Variants in OTUD7A observed in about 807,000 individuals in gnomAD.
OTUD7A encodes OTU deubiquitinase 7A.
In OTUD7A, 12 loss-of-function variants were observed where a neutral mutation model predicts 65.7. The ratio of observed to expected loss-of-function variants is 0.18; its 90% CI spans 0.12 to 0.30. OTUD7A has a LOEUF of 0.30. Ranked by LOEUF, OTUD7A falls within the 10% of genes least tolerant of loss-of-function variation. OTUD7A has a pLI of 1.00. For synonymous variants in OTUD7A, 641 were observed against 586.3 expected (o/e 1.09, Z -1.35); for missense variants, 1,148 against 1,304.8 (o/e 0.88, Z 1.85).
chr15:31,853,936 GC>G (rs1897495362), intron 1 of OTUD7A, among the ~76,000 whole-genome samples: 2 of 152,326 alleles, frequency 1.3e-5, no homozygotes, highest in African/African-American at 4.8e-5. Flanking sequence ...AAATGCAGAT[GC>G]CTGAGAAAAT....
chr15:31,637,857 A>G (rs1286580374), intron 3 of OTUD7A, among the ~76,000 whole-genome samples: 1 of 152,204 alleles, frequency 6.6e-6, no homozygotes, highest in Non-Finnish European at 1.5e-5. Flanking sequence ...AATTGCTACA[A>G]TCTCAAGTTG....
chr15:31,792,924 T>G (rs967600069), intron 1 of OTUD7A, among the ~76,000 whole-genome samples: 1 of 151,846 alleles, frequency 6.6e-6, no homozygotes, highest in African/African-American at 2.4e-5. Flanking sequence ...TGCCTGGGGA[T>G]TCTAAGCAGT....
intron 1 of OTUD7A, among the ~76,000 whole-genome samples, chr15:31,711,269 T>A (rs903925601): frequency 2.4e-4 from 37 of 152,172 alleles, no homozygotes; most frequent in African/African-American, 8.5e-4. Flanking sequence ...CTGTGACTGA[T>A]AACATTTTTA....
At chr15:31,523,326 C>T (rs1595581096) in intron 8 of OTUD7A, among the ~76,000 whole-genome samples, 1 of 152,244 alleles carries the variant, frequency 6.6e-6, no homozygotes, top group Admixed American at 6.5e-5. Flanking sequence ...TTCTTGCTGT[C>T]TTCCTTCAGG....
chr15:31,627,807 A>G (rs1268804427), intron 3 of OTUD7A, among the ~76,000 whole-genome samples: 1 of 152,086 alleles, frequency 6.6e-6, no homozygotes, highest in East Asian at 1.9e-4. Context: ...ATGGTATCTC[A>G]TTGTGGTTTC....
chr15:31,868,538 A>G (rs536558783), intron 1 of OTUD7A, among the ~76,000 whole-genome samples: 1 of 152,330 alleles, frequency 6.6e-6, no homozygotes, highest in African/African-American at 2.4e-5. Flanking sequence ...CAGCAACTAC[A>G]CACAGCGGGA....
intron 3 of OTUD7A, among the ~76,000 whole-genome samples, chr15:31,573,314 C>T (rs1161940906): frequency 6.6e-6 from 1 of 152,118 alleles, no homozygotes; most frequent in Non-Finnish European, 1.5e-5. Context: ...AAACATGAAT[C>T]GTTCAGAAAA....
chr15:31,505,585 T>C (rs1595563002), intron 8 of OTUD7A, among the ~76,000 whole-genome samples: 2 of 152,282 alleles, frequency 1.3e-5, no homozygotes, highest in Admixed American at 1.3e-4. Context: ...TCTGTTTTAA[T>C]AGCTTTAAGA....
chr15:31,867,091 C>T (rs1897896000), intron 1 of OTUD7A, among the ~76,000 whole-genome samples: 1 of 152,136 alleles, frequency 6.6e-6, no homozygotes, highest in African/African-American at 2.4e-5. Context: ...GGGAAACACC[C>T]ATCCCAACTC....
chr15:31,597,394 A>G (rs556162842), intron 3 of OTUD7A, among the ~76,000 whole-genome samples: 1 of 151,658 alleles, frequency 6.6e-6, no homozygotes, highest in African/African-American at 2.4e-5. Flanking sequence ...GAAGCTTTTT[A>G]GGTTTTGTTT....
intron 3 of OTUD7A, among the ~76,000 whole-genome samples, chr15:31,578,881 T>C (rs980522531): frequency 6.6e-6 from 1 of 152,204 alleles, no homozygotes; most frequent in African/African-American, 2.4e-5. Context: ...ATTTGACTGA[T>C]GTCTCATGTC....
chr15:31,840,234 AC>A (rs1383303882), intron 1 of OTUD7A, among the ~76,000 whole-genome samples: 1 of 152,154 alleles, frequency 6.6e-6, no homozygotes, highest in Non-Finnish European at 1.5e-5. Context: ...AGCCTGGGCA[AC>A]ATGGTGAAAC....
At chr15:31,609,522 C>T (rs1011340581) in intron 3 of OTUD7A, among the ~76,000 whole-genome samples, 8 of 152,112 alleles carry the variant, frequency 5.3e-5, no homozygotes, top group Admixed American at 3.9e-4. Flanking sequence ...ACTCCATTGA[C>T]CTGGGAACCT....
At chr15:31,520,683 T>C (rs1466176562) in intron 8 of OTUD7A, among the ~76,000 whole-genome samples, 1 of 152,224 alleles carries the variant, frequency 6.6e-6, no homozygotes, top group Non-Finnish European at 1.5e-5. Context: ...CACATGCTGT[T>C]GGTAGGAATG....
rs911361121 is a variant in OTUD7A, at chr15:31,526,520, C to T, written c.781-59G>A. The T allele has an allele frequency of 1.2e-5, 17 of 1,360,862 alleles. No homozygotes were observed. The African/African-American group carries it at 2.5e-4, about 20-fold the overall frequency. The allele number at this position is 1,360,862 out of a possible 1,614,324, so 84.3% of individuals were successfully genotyped here. A position where few individuals can be genotyped will look rare whatever the true frequency, so the allele number is the denominator to read the frequency against. On this transcript the variant is annotated intron_variant, in intron 7 of 12. Transcript: ENST00000307050. The stretch of plus-strand genomic sequence containing the variant: ...GGCCACAGCTGCGCTGCCCTCCTCT[C>T]CTCACCCTCCCAATCTGGACCAGCC...
At chr15:31,761,094 A>G (rs1894950229) in intron 1 of OTUD7A, among the ~76,000 whole-genome samples, 1 of 152,178 alleles carries the variant, frequency 6.6e-6, no homozygotes, top group East Asian at 1.9e-4. Context: ...AAGAAAACAT[A>G]GCAGTAAATC....
At chr15:31,737,295 C>T (rs1303618022) in intron 1 of OTUD7A, among the ~76,000 whole-genome samples, 1 of 152,148 alleles carries the variant, frequency 6.6e-6, no homozygotes, top group East Asian at 1.9e-4. Flanking sequence ...AACTGCTATC[C>T]ACTATTGAAA....
intron 1 of OTUD7A, among the ~76,000 whole-genome samples, chr15:31,820,929 C>G (rs1308822626): frequency 1.3e-5 from 2 of 152,078 alleles, no homozygotes; most frequent in Non-Finnish European, 2.9e-5. Context: ...GAAAGAAACC[C>G]TGCACCCACC....
chr15:31,691,210 T>A (rs1595710690), intron 1 of OTUD7A, among the ~76,000 whole-genome samples: 1 of 152,142 alleles, frequency 6.6e-6, no homozygotes, highest in South Asian at 2.1e-4. Flanking sequence ...AAAATACCAA[T>A]GACATTCTTC....
Sources: gnomAD v4.1 joint callset for allele counts (sites outside exome capture counted in the v4.1 genomes callset) on GRCh38, gnomAD v4.1.1 for gene constraint, MANE v1.5 for transcripts, NCBI Gene and HGNC (gene_info 2026-07-23, HGNC 2026-07-21) for gene names.